SH3BP1: variants seen among roughly 807,000 people sequenced by gnomAD.
SH3BP1 encodes the protein SH3 domain-binding protein 1.
A neutral mutation model predicts 69.8 loss-of-function variants in SH3BP1; 46 were observed. The observed-to-expected ratio is 0.66, with a 90% CI of 0.52 to 0.84. The LOEUF (loss-of-function observed/expected upper bound fraction) is 0.84, where lower values mean the gene tolerates loss of function less well. Ranked by LOEUF, SH3BP1 falls within the 40% of genes least tolerant of loss-of-function variation. The probability of loss-of-function intolerance (pLI) is 0.00; values close to 1 mark genes in which losing one functional copy is unlikely to be tolerated. For missense variants in SH3BP1, 868 were observed against 930.9 expected (o/e 0.93, Z 0.88); for synonymous variants, 403 against 378.0 (o/e 1.07, Z -0.77).
chr22:37,655,407 T>C lies in SH3BP1; in HGVS notation c.1829T>C (p.Val610Ala). The C allele has an allele frequency of 8.4e-7, 1 of 1,196,112 alleles. No homozygotes were observed. Among genetic ancestry groups the C allele is most frequent in the Non-Finnish European group, 1.1e-6 (1 of 911,712 alleles). 74.1% of individuals were successfully genotyped at this position (1,196,112 alleles called of 1,614,324 possible). A position where few individuals can be genotyped will look rare whatever the true frequency, so the allele number is the denominator to read the frequency against. ...CCCCAAGCCCTGCCCCGACGTCTGG[T>C]TGGCAGCAGCCTCCGAGCCCCCACA... Reference protein sequence around the residue: ...GTPQALPRRLVGSSLRAPTVP... With the variant: ...GTPQALPRRLAGSSLRAPTVP... Residue 610 changes from valine to alanine, a missense_variant, in exon 18 of 18, where the codon GTT (valine) becomes GCT (alanine). Physicochemically the swap from Val to Ala is moderately conservative, Grantham distance 64. This residue lies in a region of SH3BP1 where 474 missense variants were observed against 462.3 expected (regional missense o/e 1.03). Coordinates refer to ENST00000649765, the MANE Select transcript of SH3BP1 (RefSeq NM_018957.6).
At position 37,639,799 on chromosome 22, in the gene SH3BP1, G is replaced by A; in HGVS notation, c.12G>A (p.Arg4=). MMK[R]QLHRMRQLAQ... is the part of the protein sequence containing the mutation. ...AGCTCGCCCCCAAGATGATGAAGAG[G>A]CAGCTGCACCGCATGCGGCAGCTGG... is the stretch of plus-strand genomic sequence containing the variant. The change falls in exon 1 of 18, where the codon AGG becomes AGA. Residue 4 remains arginine (R), a synonymous_variant. Transcript: ENST00000649765. 1 of 1,557,316 alleles carries A rather than the reference G, an allele frequency of 6.4e-7. No individual in the cohort carries two copies. The highest frequency in any genetic ancestry group is 1.2e-5 in the South Asian group (1 of 84,146).
chr22:37,645,705 T>C (rs1363757101), intron 10 of SH3BP1, among the ~76,000 whole-genome samples, 195 bp downstream of exon 10: 1 of 152,172 alleles, frequency 6.6e-6, no homozygotes, highest in African/African-American at 2.4e-5. Flanking sequence ...AGCGCTGTAC[T>C]AGAAGCCTTT....
At chr22:37,646,362 G>T (rs149244054) in intron 10 of SH3BP1, among the ~76,000 whole-genome samples, 1 of 151,490 alleles carries the variant, frequency 6.6e-6, no homozygotes, top group Non-Finnish European at 1.5e-5. Flanking sequence ...TGGTTCAAGC[G>T]ATTGTGTCTC....
chr22:37,646,879 C>T lies in SH3BP1; in HGVS notation c.986C>T (p.Ser329Leu), dbSNP rs144888585. 9.1e-5 allele frequency: 143 copies of T among 1,564,354 alleles called. No individual in the cohort carries two copies. The highest frequency in any genetic ancestry group is 1.1e-4 in the Non-Finnish European group (131 of 1,157,514). The change falls in exon 11 of 18, where the codon TCG (serine) becomes TTG (leucine). Residue 329 changes from serine (S) to leucine (L), a missense_variant. Physicochemically the swap from Ser to Leu is moderately radical, Grantham distance 145. This residue lies in a region of SH3BP1 where 387 missense variants were observed against 447.9 expected (regional missense o/e 0.86). Coordinates refer to ENST00000649765, the MANE Select transcript of SH3BP1 (RefSeq NM_018957.6). ...VLKRLKQTMA[S>L]DPHSLEEFCS... Reference sequence around the variant, plus strand: ...AAGCGTCTCAAGCAGACAATGGCCTCGGACCCCCACAGCCTGGAGGAGTTC... The same window carrying T: ...AAGCGTCTCAAGCAGACAATGGCCTTGGACCCCCACAGCCTGGAGGAGTTC...
intron 17 of SH3BP1, 39 bp downstream of exon 17, chr22:37,653,912 G>T: frequency 2.3e-6 from 3 of 1,290,678 alleles, no homozygotes; most frequent in East Asian, 2.3e-5. Context: ...GACAGAGGGT[G>T]GGCGGGGAGA....
intron 7 of SH3BP1, 65 bp downstream of exon 7, chr22:37,643,853 A>C: frequency 6.3e-7 from 1 of 1,585,120 alleles, no homozygotes; most frequent in South Asian, 1.1e-5. Context: ...CCCATCTCAC[A>C]GGCAAGGAAG....
At chr22:37,648,143 T>G (rs2146061289) in intron 13 of SH3BP1, among the ~76,000 whole-genome samples, 176 bp from the exon 14 acceptor site, 1 of 152,346 alleles carries the variant, frequency 6.6e-6, no homozygotes, top group East Asian at 1.9e-4. Context: ...TGCTGAGGAC[T>G]CAGCTTGGCT....
Position 37,655,253 on chromosome 22 carries a change from C to A in SH3BP1, c.1694-19C>A, listed in dbSNP as rs760971902. On this transcript the variant is annotated intron_variant, in intron 17 of 17. Coordinates refer to ENST00000649765, the MANE Select transcript of SH3BP1 (RefSeq NM_018957.6). ...CCACGTGGACACTCAGCCTCCCTCA[C>A]CCTTTCCTTCCTCAACAGCCAAGCG... 19 of 1,573,514 alleles carry A rather than the reference C, an allele frequency of 1.2e-5. No individual in the cohort carries two copies. The highest frequency in any genetic ancestry group is 5.3e-5 in the Admixed American group (3 of 56,612).
chr22:37,640,940 A>G (rs1044527507), intron 1 of SH3BP1, 186 bp from the exon 2 acceptor site: 2 of 610,674 alleles, frequency 3.3e-6, no homozygotes, highest in African/African-American at 1.9e-5. Context: ...TCCTATTCCC[A>G]CCCCCATGGA....
In SH3BP1 at chr22:37,655,347, C is replaced by T. The variant is rs776161224; in HGVS notation, c.1769C>T (p.Pro590Leu). Residue 590 changes from proline to leucine, a missense_variant, in exon 18 of 18, where the codon CCG (proline) becomes CTG (leucine). Around this residue, in one of 3 missense-constraint regions of SH3BP1, gnomAD observed 474 missense variants for 462.3 expected, o/e 1.03. Coordinates refer to ENST00000649765, the MANE Select transcript of SH3BP1 (RefSeq NM_018957.6). ...VSGSRSSPPA[P>L]PLPPGSGSPG... Reference sequence around the variant, plus strand: ...GGCTCCCGCTCCTCCCCTCCAGCCCCGCCCTTGCCCCCTGGCTCTGGCAGC... The same window carrying T: ...GGCTCCCGCTCCTCCCCTCCAGCCCTGCCCTTGCCCCCTGGCTCTGGCAGC... 4.1e-6 allele frequency: 6 copies of T among 1,472,928 alleles called. No individual in the cohort carries two copies. Among genetic ancestry groups the T allele is most frequent in the South Asian group, 2.5e-5 (2 of 80,662 alleles). The allele number at this position is 1,472,928 out of a possible 1,614,324, so 91.2% of individuals were successfully genotyped here.
At chr22:37,652,650 C>T (rs1932903320) in intron 16 of SH3BP1, among the ~76,000 whole-genome samples, 1 of 150,904 alleles carries the variant, frequency 6.6e-6, no homozygotes, top group African/African-American at 2.4e-5. Context: ...ATGGTGAAAT[C>T]CCATCTCTAC....
chr22:37,645,186 G>A (rs35001542), intron 9 of SH3BP1, 179 bp from the exon 10 acceptor site: 114,913 of 934,946 alleles, frequency 0.12, 9,177 homozygotes, highest in African/African-American at 0.32. Flanking sequence ...ACGGTGGCCT[G>A]GACTAGGACA....
Position 37,642,965 on chromosome 22 carries a change from C to T in SH3BP1, c.355C>T (p.Leu119=), listed in dbSNP as rs755058177. 11 of 1,612,968 alleles carry T rather than the reference C, an allele frequency of 6.8e-6. No homozygotes were observed. The highest frequency in any genetic ancestry group is 9.3e-6 in the Non-Finnish European group (11 of 1,179,986). ...CATCCTGGCCGAGTTTGAGATGACC[C>T]TGGAGAGGGACGTCCTGCAGCCACT... ...ARILAEFEMT[L]ERDVLQPLSR... is the part of the protein sequence containing the mutation. Residue 119 remains leucine (L), a synonymous_variant, in exon 5 of 18, where the codon CTG becomes TTG. Coordinates refer to ENST00000649765, the MANE Select transcript of SH3BP1 (RefSeq NM_018957.6).
chr22:37,647,139 GCCTACAGC>G, intron 11 of SH3BP1, 120 bp from the exon 12 acceptor site: 1 of 885,524 alleles, frequency 1.1e-6, no homozygotes, highest in East Asian at 2.4e-5. Flanking sequence ...TCTCAAAAGG[GCCTACAGC>G]CCAAAGAAAC....
At chr22:37,645,084 A>T in intron 9 of SH3BP1, 124 bp downstream of exon 9, 1 of 946,032 alleles carries the variant, frequency 1.1e-6, no homozygotes, top group South Asian at 1.5e-5. Context: ...AGCTAGGCTC[A>T]ATCTGTGATG....
At position 37,650,543 on chromosome 22, in the gene SH3BP1, C is replaced by T. The variant is rs1400919865; in HGVS notation, c.1416C>T (p.Asp472=). 1.9e-6 allele frequency: 3 copies of T among 1,608,888 alleles called. No individual in the cohort carries two copies. The highest frequency in any genetic ancestry group is 1.7e-6 in the Non-Finnish European group (2 of 1,176,982). Residue 472 remains aspartate, a splice_region_variant and synonymous_variant, in exon 16 of 18, where the codon GAC becomes GAT. Transcript: ENST00000649765. ...IQSADTLFPG[D]INFNVSGLFS... is the part of the protein sequence containing the mutation. ...CGTCTCCGCTCCTTCTGTCTCCAGA[C>T]ATCAACTTCAACGTGTCAGGCCTCT...
chr22:37,649,700 C>T (rs12484762), intron 14 of SH3BP1, among the ~76,000 whole-genome samples: 35,466 of 152,064 alleles, frequency 0.23, 5,136 homozygotes, highest in Middle Eastern at 0.39. Flanking sequence ...AGGAGAATCT[C>T]TTGAACCTGG....
chr22:37,641,987 C>T (rs919868041), intron 3 of SH3BP1: 2 of 175,602 alleles, frequency 1.1e-5, no homozygotes, highest in Non-Finnish European at 2.5e-5. Flanking sequence ...TCCAAGGTCA[C>T]ATAGCTAGTA....
rs1367070548 is a variant in SH3BP1 at position 37,655,717 on chromosome 22, C to T, written c.*33C>T. On this transcript the variant is annotated 3_prime_UTR_variant, in exon 18 of 18. Coordinates refer to ENST00000649765, the MANE Select transcript of SH3BP1 (RefSeq NM_018957.6). Reference sequence around the variant, plus strand: ...GTTTCTCCCTAAGCAGCCCTCAGCACCCCCTCCCTCCCCACCTGGCCCTCC... The same window carrying T: ...GTTTCTCCCTAAGCAGCCCTCAGCATCCCCTCCCTCCCCACCTGGCCCTCC... 1.4e-6 allele frequency: 2 copies of T among 1,449,234 alleles called. No individual in the cohort carries two copies. Among genetic ancestry groups the T allele is most frequent in the South Asian group, 1.5e-5 (1 of 68,228 alleles). 89.8% of individuals were successfully genotyped at this position (1,449,234 alleles called of 1,614,324 possible).
Sources: gnomAD v4.1 joint callset for allele counts (sites outside exome capture counted in the v4.1 genomes callset) on GRCh38, gnomAD v4.1.1 for gene constraint, gnomAD v4.1.1 regional missense constraint, MANE v1.5 for transcripts, NCBI Gene and HGNC (gene_info 2026-07-23, HGNC 2026-07-21) for gene names.